Variants in NSUN4 observed in about 807,000 individuals in gnomAD.
The protein encoded by NSUN4 is 5-cytosine rRNA methyltransferase NSUN4.
NSUN4 carries 31 observed loss-of-function variants against 43.8 expected under a neutral mutation model. The ratio of observed to expected loss-of-function variants is 0.71; its 90% CI spans 0.53 to 0.96. The LOEUF is 0.96. Ranked by LOEUF, NSUN4 falls within the 40% of genes least tolerant of loss-of-function variation. The probability of loss-of-function intolerance (pLI) is 0.00; values close to 1 mark genes in which losing one functional copy is unlikely to be tolerated. For missense variants in NSUN4, 439 were observed against 475.6 expected, an observed-to-expected ratio of 0.92 and a Z score of 0.72; for synonymous variants, 167 against 184.1, an observed-to-expected ratio of 0.91 and a Z score of 0.75.
downstream of NSUN4, among the ~76,000 whole-genome samples, chr1:46,367,763 CT>C (rs35109012): frequency 0.16 from 20,294 of 124,436 alleles, 1,755 homozygotes; most frequent in South Asian, 0.38. Context: ...TCTGAAATTT[CT>C]TTTTTTTTTT....
chr1:46,367,912 A>G (rs180777782), downstream of NSUN4, among the ~76,000 whole-genome samples: 10 of 151,820 alleles, frequency 6.6e-5, no homozygotes, highest in African/African-American at 2.4e-4. Flanking sequence ...CTACAGGCAC[A>G]TGCCACCGCG....
In NSUN4 at chr1:46,360,819, A is replaced by G. The variant is rs778873474; in HGVS notation, c.869A>G (p.Gln290Arg). The change falls in exon 5 of 6, where the codon CAG (glutamine) becomes CGG (arginine). Residue 290 changes from glutamine (Q) to arginine (R), a missense_variant. Gln to Arg is a conservative substitution (Grantham distance 43, BLOSUM62 1). Coordinates refer to ENST00000474844, the MANE Select transcript of NSUN4 (RefSeq NM_199044.4). ...ERQILPVLQV[Q>R]LLAAGLLATK... ...CAGATATTGCCTGTGCTGCAAGTGC[A>G]GCTTCTTGCGTGAGTGACAGATTTT... is the stretch of plus-strand genomic sequence containing the variant. The G allele has an allele frequency of 3.7e-6, 6 of 1,613,716 alleles. No individual in the cohort carries two copies. The highest frequency in any genetic ancestry group is 4.2e-6 in the Non-Finnish European group (5 of 1,179,814).
In NSUN4 at chr1:46,360,582, A is replaced by G. The variant is rs1261843955; in HGVS notation, c.754-122A>G. The stretch of plus-strand genomic sequence containing the variant: ...TGAAGAACTTTGTCAGGTACTCTGC[A>G]AAGGAGGGATGGGCAGAGGGAATAT... On this transcript the variant is annotated intron_variant, in intron 4 of 5. Transcript: ENST00000474844. 4 of 942,784 alleles carry G rather than the reference A, an allele frequency of 4.2e-6. No individual in the cohort carries two copies. In the South Asian group the frequency reaches 7.6e-5, roughly 18 times the overall value. 58.4% of individuals were successfully genotyped at this position (942,784 alleles called of 1,614,324 possible).
chr1:46,366,411 G>A (rs1234651258), downstream of NSUN4, among the ~76,000 whole-genome samples: 1 of 151,948 alleles, frequency 6.6e-6, no homozygotes, highest in African/African-American at 2.4e-5. Flanking sequence ...TTTTATGTTT[G>A]GTGCTTATTG....
chr1:46,352,033 G>A (rs1663029803), intron 3 of NSUN4, among the ~76,000 whole-genome samples: 1 of 151,240 alleles, frequency 6.6e-6, no homozygotes, highest in African/African-American at 2.4e-5. Context: ...TCGCTATGTT[G>A]CCCAGGCTGG....
chr1:46,343,692 C>T, intron 1 of NSUN4: 1 of 400,338 alleles, frequency 2.5e-6, no homozygotes, highest in Non-Finnish European at 4.4e-6. Context: ...CAGTAATCCT[C>T]AACAAAACAC....
Position 46,344,659 on chromosome 1 carries a change from C to T in NSUN4, c.94-142C>T. The T allele has an allele frequency of 1.1e-5, 8 of 701,142 alleles. No homozygotes were observed. In the South Asian group the frequency reaches 1.3e-4, roughly 11 times the overall value. 43.4% of individuals were successfully genotyped at this position (701,142 alleles called of 1,614,324 possible). The stretch of plus-strand genomic sequence containing the variant: ...TCCACTACTTTTCCCTCTCACACTT[C>T]TCTGGCAGGCAGGCAGGATGCAAAA... On this transcript the variant is annotated intron_variant, in intron 1 of 5. Transcript: ENST00000474844.
Position 46,361,561 on chromosome 1 carries a change from T to C in NSUN4, c.879-9T>C, listed in dbSNP as rs754753398. Reference sequence around the variant, plus strand: ...ACTAGTAACTGCTTCTGTCTCTTTCTGGTTTCAGGGCTGGACTCCTTGCCA... The same window carrying C: ...ACTAGTAACTGCTTCTGTCTCTTTCCGGTTTCAGGGCTGGACTCCTTGCCA... On this transcript the variant is annotated splice_polypyrimidine_tract_variant and intron_variant, in intron 5 of 5. Transcript: ENST00000474844. The C allele has an allele frequency of 1.9e-6, 3 of 1,611,944 alleles. No homozygotes were observed.
chr1:46,372,708 T>TTTTTG, the NSUN4 span, among the ~76,000 whole-genome samples: 7 of 152,002 alleles, frequency 4.6e-5, no homozygotes, highest in East Asian at 5.8e-4. Context: ...CTTTGACAGT[T>TTTTTG]TTTTGTTTTG....
chr1:46,361,915 G>A lies in NSUN4; in HGVS notation c.*69G>A. On this transcript the variant is annotated 3_prime_UTR_variant, in exon 6 of 6. Coordinates refer to ENST00000474844, the MANE Select transcript of NSUN4 (RefSeq NM_199044.4). Reference sequence around the variant, plus strand: ...TTGGATGCACCAGAAACTGGAAACTGGGACCAGTGGCAGAGATGCACTCTC... The same window carrying A: ...TTGGATGCACCAGAAACTGGAAACTAGGACCAGTGGCAGAGATGCACTCTC... The A allele has an allele frequency of 7.1e-7, 1 of 1,415,494 alleles. No homozygotes were observed. The highest frequency in any genetic ancestry group is 9.6e-7 in the Non-Finnish European group (1 of 1,037,848). 87.7% of individuals were successfully genotyped at this position (1,415,494 alleles called of 1,614,324 possible).
Position 46,352,942 on chromosome 1 carries a change from G to A in NSUN4, c.667G>A (p.Glu223Lys). The change falls in exon 4 of 6, where the codon GAA becomes AAA. Residue 223 changes from glutamate (E) to lysine (K), a missense_variant. By Grantham distance (56) the Glu-to-Lys change is moderately conservative. Coordinates refer to ENST00000474844, the MANE Select transcript of NSUN4 (RefSeq NM_199044.4). ...GAAGATCCTTCACAGCTATGTGCCT[G>A]AAGAGATCAGGGATGGAAATCAAGT... Reference protein sequence around the residue: ...LQKILHSYVPEEIRDGNQVRV... With the variant: ...LQKILHSYVPKEIRDGNQVRV... 6.2e-7 allele frequency: 1 copy of A among 1,614,160 alleles called. No individual in the cohort carries two copies. Among genetic ancestry groups the A allele is most frequent in the Non-Finnish European group, 8.5e-7 (1 of 1,179,992 alleles).
At chr1:46,340,947 G>T (rs1262356167) in intron 1 of NSUN4, 28 bp downstream of exon 1, 2 of 1,580,856 alleles carry the variant, frequency 1.3e-6, no homozygotes, top group South Asian at 2.3e-5. Flanking sequence ...GCGCAGGAGG[G>T]AAAAGTGAGG....
At chr1:46,374,737 G>A in the NSUN4 span, among the ~76,000 whole-genome samples, 768 of 152,214 alleles carry the variant, frequency 5.0e-3, 7 homozygotes, top group Non-Finnish European at 9.2e-3. Flanking sequence ...TGGGCTTGGG[G>A]CACTTAGTCC....
downstream of NSUN4, among the ~76,000 whole-genome samples, chr1:46,369,364 T>C (rs1664202083): frequency 6.6e-6 from 1 of 152,188 alleles, no homozygotes; most frequent in African/African-American, 2.4e-5. Flanking sequence ...GTACCTCCTA[T>C]GTGCTAGGCT....
chr1:46,378,018 C>T, the NSUN4 span, among the ~76,000 whole-genome samples: 1 of 152,154 alleles, frequency 6.6e-6, no homozygotes, highest in African/African-American at 2.4e-5. Context: ...ATTCTACAGT[C>T]TAGTTGTAGG....
intron 1 of NSUN4, chr1:46,341,309 C>T: frequency 1.6e-5 from 16 of 1,000,422 alleles, no homozygotes; most frequent in Non-Finnish European, 1.9e-5. Flanking sequence ...CTCCTTTCCT[C>T]ATTGATTTTC....
intron 4 of NSUN4, among the ~76,000 whole-genome samples, chr1:46,360,249 AAT>A (rs773980804): frequency 2.6e-3 from 67 of 25,758 alleles, no homozygotes; most frequent in South Asian, 6.5e-3. Context: ...AAAAAAAAAA[AAT>A]ATATATATAT....
At chr1:46,350,077 T>A in intron 3 of NSUN4, among the ~76,000 whole-genome samples, 1 of 152,216 alleles carries the variant, frequency 6.6e-6, no homozygotes, top group Non-Finnish European at 1.5e-5. Context: ...TCATATTTTA[T>A]GGAGGGAGAA....
At chr1:46,357,442 C>G (rs1050292419) in intron 4 of NSUN4, among the ~76,000 whole-genome samples, 1 of 152,222 alleles carries the variant, frequency 6.6e-6, no homozygotes, top group Non-Finnish European at 1.5e-5. Flanking sequence ...CTTGGCCTCT[C>G]AACATGAACA....
Sources: allele counts gnomAD v4.1 joint callset (sites outside exome capture counted in the v4.1 genomes callset), GRCh38; gene constraint gnomAD v4.1.1; transcripts MANE v1.5; gene names NCBI Gene and HGNC (gene_info 2026-07-23, HGNC 2026-07-21).